Variants in KCNJ6 observed in about 807,000 individuals in gnomAD.
The protein encoded by KCNJ6 is G protein-activated inward rectifier potassium channel 2.
A neutral mutation model predicts 34.2 loss-of-function variants in KCNJ6; 9 were observed. The observed-to-expected ratio is 0.26, with a 90% CI of 0.16 to 0.46. The LOEUF is 0.46. KCNJ6 is among the 20% of genes least tolerant of loss of function. The pLI is 1.00. For synonymous variants in KCNJ6, 196 were observed against 207.1 expected (o/e 0.95, Z 0.46); for missense variants, 236 against 531.3 (o/e 0.44, Z 5.46).
intron 2 of KCNJ6, among the ~76,000 whole-genome samples, chr21:37,827,525 GT>G (rs141210365): frequency 1.9e-4 from 28 of 148,778 alleles, no homozygotes; most frequent in African/African-American, 4.7e-4. Context: ...TAACCCTTGG[GT>G]TTTTTTTTTA....
intron 3 of KCNJ6, among the ~76,000 whole-genome samples, chr21:37,655,432 T>C (rs1042216908): frequency 1.3e-5 from 2 of 152,158 alleles, no homozygotes; most frequent in Non-Finnish European, 2.9e-5. Flanking sequence ...AATGAACTCA[T>C]TGATTGTTCT....
At chr21:37,795,251 C>T (rs1289401958) in intron 2 of KCNJ6, among the ~76,000 whole-genome samples, 1 of 152,106 alleles carries the variant, frequency 6.6e-6, no homozygotes. Context: ...AGGTAAACTT[C>T]TGTGTTTTAG....
intron 2 of KCNJ6, among the ~76,000 whole-genome samples, chr21:37,802,249 T>C (rs2055272837): frequency 6.6e-6 from 1 of 152,178 alleles, no homozygotes; most frequent in South Asian, 2.1e-4. Flanking sequence ...AGCTTCCCAG[T>C]GTCCAGGCCT....
Position 37,619,456 on chromosome 21 carries a change from A to T in KCNJ6, c.*5703T>A, listed in dbSNP as rs773678082. 1.3e-5 allele frequency: 2 copies of T among 152,188 alleles called. No homozygotes were observed. The highest frequency in any genetic ancestry group is 2.9e-5 in the Non-Finnish European group (2 of 68,024). The allele number at this position is 152,188 out of a possible 1,614,324, so 9.4% of individuals were successfully genotyped here. On this transcript the variant is annotated 3_prime_UTR_variant, in exon 4 of 4. Coordinates refer to ENST00000609713, the MANE Select transcript of KCNJ6 (RefSeq NM_002240.5). ...TGTCTCCCTGAGCTCTTTTCAAAGG[A>T]CCTTTTGGTTTTCCATAAGAAGCAT... is the stretch of plus-strand genomic sequence containing the variant.
chr21:37,737,730 G>A (rs1247094912), intron 2 of KCNJ6, among the ~76,000 whole-genome samples: 2 of 152,230 alleles, frequency 1.3e-5, no homozygotes, highest in Non-Finnish European at 2.9e-5. Flanking sequence ...TGCTCACCAA[G>A]CCATGTACTC....
chr21:37,798,616 C>T (rs1327001788), intron 2 of KCNJ6, among the ~76,000 whole-genome samples: 3 of 152,190 alleles, frequency 2.0e-5, no homozygotes, highest in Non-Finnish European at 2.9e-5. Context: ...CTGATCTGTG[C>T]TACAACATAG....
intron 3 of KCNJ6, among the ~76,000 whole-genome samples, chr21:37,684,464 A>G (rs2054604520): frequency 6.6e-6 from 1 of 152,160 alleles, no homozygotes; most frequent in African/African-American, 2.4e-5. Context: ...CAATAAGATC[A>G]TATTCTTAGG....
At chr21:37,902,285 A>G (rs974382162) in intron 1 of KCNJ6, among the ~76,000 whole-genome samples, 7 of 152,218 alleles carry the variant, frequency 4.6e-5, no homozygotes, top group African/African-American at 1.7e-4. Context: ...CTTCTCCTCC[A>G]TCGTTTAAAT....
At position 37,613,280 on chromosome 21, in the gene KCNJ6, G is replaced by C. The variant is rs2054249346; in HGVS notation, c.*11879C>G. 1 of 152,190 alleles carries C rather than the reference G, an allele frequency of 6.6e-6. No homozygotes were observed. Among genetic ancestry groups the C allele is most frequent in the African/African-American group, 2.4e-5 (1 of 41,438 alleles). 9.4% of individuals were successfully genotyped at this position (152,190 alleles called of 1,614,324 possible). On this transcript the variant is annotated 3_prime_UTR_variant, in exon 4 of 4. Coordinates refer to ENST00000609713, the MANE Select transcript of KCNJ6 (RefSeq NM_002240.5). ...TAGAATGGCCCAAATGCAGATCATT[G>C]ACAACACTAAATGCTGGTGAAGATA...
At chr21:37,787,762 A>G (rs2123518782) in intron 2 of KCNJ6, among the ~76,000 whole-genome samples, 1 of 152,368 alleles carries the variant, frequency 6.6e-6, no homozygotes, top group African/African-American at 2.4e-5. Flanking sequence ...AAGTCAGTAT[A>G]CAAATCTGAA....
chr21:37,880,391 GACTCTC>G (rs1333286179), intron 1 of KCNJ6, among the ~76,000 whole-genome samples: 1 of 152,248 alleles, frequency 6.6e-6, no homozygotes, highest in African/African-American at 2.4e-5. Flanking sequence ...GGGAAACTCA[GACTCTC>G]GCATCTACAA....
At chr21:37,736,205 A>T (rs934798207) in intron 2 of KCNJ6, among the ~76,000 whole-genome samples, 4 of 152,134 alleles carry the variant, frequency 2.6e-5, no homozygotes, top group African/African-American at 9.6e-5. Flanking sequence ...GGCCCTGGGG[A>T]TGCAAAGACC....
At chr21:37,831,662 T>G (rs2055426540) in intron 2 of KCNJ6, among the ~76,000 whole-genome samples, 1 of 152,130 alleles carries the variant, frequency 6.6e-6, no homozygotes, top group Non-Finnish European at 1.5e-5. Context: ...AATGACTGCT[T>G]CTGTTAGTAC....
At position 37,608,258 on chromosome 21, in the gene KCNJ6, T is replaced by A. The variant is rs1383934716; in HGVS notation, c.*16901A>T. ...CCATCCCCCAATCTTACCTTGTGTGTTTCTGTTTTAAGACCCTCTCCCATG... is the reference window on the plus strand; with the variant it reads ...CCATCCCCCAATCTTACCTTGTGTGATTCTGTTTTAAGACCCTCTCCCATG... On this transcript the variant is annotated 3_prime_UTR_variant, in exon 4 of 4. Coordinates refer to ENST00000609713, the MANE Select transcript of KCNJ6 (RefSeq NM_002240.5). The A allele has an allele frequency of 6.6e-6, 1 of 152,204 alleles. No homozygotes were observed. The highest frequency in any genetic ancestry group is 1.5e-5 in the Non-Finnish European group (1 of 68,046). 9.4% of individuals were successfully genotyped at this position (152,204 alleles called of 1,614,324 possible). A position where few individuals can be genotyped will look rare whatever the true frequency, so the allele number is the denominator to read the frequency against.
intron 3 of KCNJ6, among the ~76,000 whole-genome samples, chr21:37,631,232 A>G (rs1288649886): frequency 1.3e-5 from 2 of 152,194 alleles, no homozygotes; most frequent in Admixed American, 1.3e-4. Context: ...ATACAGAAAC[A>G]GCTTAATATC....
chr21:37,764,749 G>A (rs2055082896), intron 2 of KCNJ6, among the ~76,000 whole-genome samples: 1 of 152,224 alleles, frequency 6.6e-6, no homozygotes, highest in Admixed American at 6.5e-5. Context: ...TATTTTTAAG[G>A]TTGAATGGGT....
chr21:37,752,502 G>T (rs1297537431), intron 2 of KCNJ6, among the ~76,000 whole-genome samples: 1 of 152,130 alleles, frequency 6.6e-6, no homozygotes, highest in Non-Finnish European at 1.5e-5. Context: ...CAGAGGGAAG[G>T]CATTAAGCAG....
At chr21:37,708,020 T>G (rs2054730409) in intron 3 of KCNJ6, among the ~76,000 whole-genome samples, 1 of 152,168 alleles carries the variant, frequency 6.6e-6, no homozygotes, top group African/African-American at 2.4e-5. Context: ...GGCTTTGAAT[T>G]CCACATTGTA....
chr21:37,794,082 T>G (rs544830002), intron 2 of KCNJ6, among the ~76,000 whole-genome samples: 1 of 152,386 alleles, frequency 6.6e-6, no homozygotes, highest in Admixed American at 6.5e-5. Flanking sequence ...TGTGTGTGTC[T>G]GTGTATGTGT....
Sources: allele counts gnomAD v4.1 joint callset (sites outside exome capture counted in the v4.1 genomes callset), GRCh38; gene constraint gnomAD v4.1.1; transcripts MANE v1.5; gene names NCBI Gene and HGNC (gene_info 2026-07-23, HGNC 2026-07-21).